The following NFIA variants were observed in gnomAD, a reference collection of about 807,000 sequenced individuals.
NFIA encodes nuclear factor I A.
In NFIA, 8 loss-of-function variants were observed where a neutral mutation model predicts 62.8. The ratio of observed to expected loss-of-function variants is 0.13; its 90% CI spans 0.07 to 0.23. The LOEUF (loss-of-function observed/expected upper bound fraction) is 0.23. Ranked by LOEUF, NFIA falls within the 10% of genes least tolerant of loss-of-function variation. NFIA has a pLI of 1.00. For missense variants in NFIA, 410 were observed against 642.1 expected (o/e 0.64, Z 3.91); for synonymous variants, 235 against 238.1 (o/e 0.99, Z 0.12).
chr1:61,192,602 CAG>C (rs754432664), intron 2 of NFIA, among the ~76,000 whole-genome samples: 13 of 151,588 alleles, frequency 8.6e-5, no homozygotes, highest in Non-Finnish European at 1.3e-4. Context: ...ACTCAGGAGA[CAG>C]AGGCAGGAGA....
chr1:61,282,935 A>G (rs1442512729), intron 3 of NFIA, among the ~76,000 whole-genome samples: 1 of 152,142 alleles, frequency 6.6e-6, no homozygotes, highest in Non-Finnish European at 1.5e-5. Context: ...GTAGTTGCAC[A>G]TATGTTGGTG....
At chr1:61,274,627 G>A (rs559990488) in intron 2 of NFIA, among the ~76,000 whole-genome samples, 4 of 152,292 alleles carry the variant, frequency 2.6e-5, no homozygotes, top group East Asian at 1.9e-4. Context: ...ATATTTGTCC[G>A]AAAGAGTAAG....
intron 3 of NFIA, among the ~76,000 whole-genome samples, 168 bp downstream of exon 3, chr1:61,277,753 T>G (rs2100276943): frequency 6.6e-6 from 1 of 152,226 alleles, no homozygotes. Flanking sequence ...CAGCTTCTTG[T>G]TCTCGGGATC....
intron 2 of NFIA, among the ~76,000 whole-genome samples, chr1:61,109,493 AT>A (rs11377718): frequency 3.3e-5 from 5 of 150,114 alleles, no homozygotes; most frequent in Admixed American, 1.3e-4. Context: ...TCTTATGAGT[AT>A]TTTTTTTTGG....
intron 3 of NFIA, among the ~76,000 whole-genome samples, chr1:61,319,533 T>C (rs1248498980): frequency 2.0e-5 from 3 of 152,060 alleles, no homozygotes; most frequent in Non-Finnish European, 2.9e-5. Context: ...TGTCTGTGTG[T>C]GTCTGTCTGT....
chr1:61,438,569 A>T (rs115010325), intron 10 of NFIA, among the ~76,000 whole-genome samples: 6 of 152,178 alleles, frequency 3.9e-5, no homozygotes, highest in African/African-American at 1.4e-4. Context: ...CAGTGGAATG[A>T]TATTTATGTA....
intron 4 of NFIA, among the ~76,000 whole-genome samples, chr1:61,333,826 C>T (rs776155403): frequency 1.1e-4 from 17 of 151,976 alleles, no homozygotes; most frequent in Non-Finnish European, 2.4e-4. Flanking sequence ...GGTGAAACCC[C>T]GTCTCGACTA....
chr1:61,140,818 C>A (rs1647449743), intron 2 of NFIA, among the ~76,000 whole-genome samples: 1 of 152,064 alleles, frequency 6.6e-6, no homozygotes, highest in African/African-American at 2.4e-5. Context: ...TTAGAAACTT[C>A]ATTATACAAA....
intron 2 of NFIA, among the ~76,000 whole-genome samples, chr1:61,158,818 G>T (rs1164455989): frequency 6.6e-6 from 1 of 152,188 alleles, no homozygotes; most frequent in Non-Finnish European, 1.5e-5. Flanking sequence ...CATTAAAGCA[G>T]TATTTAAATA....
chr1:61,216,784 A>T lies in NFIA; in HGVS notation c.560-60736A>T, dbSNP rs571905284. Among the ~76,000 whole-genome samples the T allele has an allele frequency of 4.6e-5, 7 of 152,108 alleles. No homozygotes were observed. In the South Asian group the frequency reaches 1.5e-3, roughly 32 times the overall value. ...GGAGGCCGAGGCAGGCAGATCACTT[A>T]AAGTCAGGAGTTCGAGACCAGTCTG... On this transcript the variant is annotated intron_variant, in intron 2 of 10. Transcript: ENST00000403491.
intron 9 of NFIA, among the ~76,000 whole-genome samples, chr1:61,419,739 C>T (rs371199093): frequency 2.4e-4 from 36 of 152,190 alleles, no homozygotes; most frequent in African/African-American, 7.2e-4. Context: ...GACTTCTTGG[C>T]ACCTTAGACA....
chr1:61,185,678 C>G (rs997547213), intron 2 of NFIA, among the ~76,000 whole-genome samples: 3 of 148,562 alleles, frequency 2.0e-5, no homozygotes, highest in African/African-American at 5.0e-5. Context: ...CTTAGATGCT[C>G]CAGCCATACT....
chr1:61,400,719 A>G (rs1255638905), intron 7 of NFIA, among the ~76,000 whole-genome samples: 1 of 152,204 alleles, frequency 6.6e-6, no homozygotes, highest in Non-Finnish European at 1.5e-5. Context: ...GCATTCCATT[A>G]GCATCATGCC....
intron 2 of NFIA, among the ~76,000 whole-genome samples, chr1:61,221,137 T>G (rs995271265): frequency 6.6e-6 from 1 of 152,214 alleles, no homozygotes; most frequent in South Asian, 2.1e-4. Context: ...ATCTGAAGAT[T>G]GGCAAACTTC....
chr1:61,345,231 G>A (rs1264891881), intron 4 of NFIA, among the ~76,000 whole-genome samples: 1 of 152,046 alleles, frequency 6.6e-6, no homozygotes, highest in Non-Finnish European at 1.5e-5. Context: ...AGAAAATTGA[G>A]GAGCCTTCAA....
chr1:61,128,614 T>A (rs772994520), intron 2 of NFIA, among the ~76,000 whole-genome samples: 3 of 152,074 alleles, frequency 2.0e-5, no homozygotes, highest in Non-Finnish European at 2.9e-5. Flanking sequence ...AGATGACCTT[T>A]ATTATGTTTG....
At chr1:61,298,298 G>A (rs564884612) in intron 3 of NFIA, among the ~76,000 whole-genome samples, 3 of 152,170 alleles carry the variant, frequency 2.0e-5, no homozygotes, top group African/African-American at 7.2e-5. Context: ...AGGATTGTAA[G>A]TTTCCTGAGG....
At chr1:61,330,236 A>G (rs1452178584) in intron 3 of NFIA, among the ~76,000 whole-genome samples, 1 of 152,204 alleles carries the variant, frequency 6.6e-6, no homozygotes, top group East Asian at 1.9e-4. Context: ...ATCTCAGTAA[A>G]TGATAAAGAG....
chr1:61,181,094 G>C (rs992641807), intron 2 of NFIA, among the ~76,000 whole-genome samples: 4 of 152,222 alleles, frequency 2.6e-5, no homozygotes, highest in African/African-American at 7.2e-5. Context: ...TAATATGACT[G>C]CCTCCCTTAC....
Sources: allele counts gnomAD v4.1 joint callset (sites outside exome capture counted in the v4.1 genomes callset), GRCh38; gene constraint gnomAD v4.1.1; transcripts MANE v1.5; gene names NCBI Gene and HGNC (gene_info 2026-07-23, HGNC 2026-07-21).